THEMIS: variants seen among roughly 807,000 people sequenced by gnomAD.
THEMIS encodes the protein thymocyte selection associated, also known as protein THEMIS.
A neutral mutation model predicts 52.6 loss-of-function variants in THEMIS; 37 were observed. That is an observed-to-expected ratio of 0.70 (90% CI 0.54 to 0.93). THEMIS has a LOEUF of 0.93. THEMIS is among the 40% of genes least tolerant of loss of function. The pLI is 0.00. For synonymous variants in THEMIS, 292 were observed against 272.7 expected (o/e 1.07, Z -0.70); for missense variants, 808 against 763.1 (o/e 1.06, Z -0.69).
chr6:127,774,731 C>T (rs1235396683), intron 4 of THEMIS, among the ~76,000 whole-genome samples: 3 of 152,160 alleles, frequency 2.0e-5, no homozygotes, highest in Admixed American at 6.6e-5. Flanking sequence ...ATAACACTTA[C>T]CAATCTGCCT....
chr6:127,858,851 A>C (rs1779703926), intron 1 of THEMIS, among the ~76,000 whole-genome samples: 1 of 152,152 alleles, frequency 6.6e-6, no homozygotes, highest in African/African-American at 2.4e-5. Context: ...AGCTGGAACA[A>C]AGCAGCCTGT....
chr6:127,711,688 A>T (rs1431426549), intron 5 of THEMIS, among the ~76,000 whole-genome samples: 2 of 152,068 alleles, frequency 1.3e-5, no homozygotes, highest in Admixed American at 6.6e-5. Flanking sequence ...CAAGATTTTT[A>T]GGCAGTATGC....
At chr6:127,916,836 C>A (rs978979748) in intron 1 of THEMIS, among the ~76,000 whole-genome samples, 1 of 152,188 alleles carries the variant, frequency 6.6e-6, no homozygotes, top group Non-Finnish European at 1.5e-5. Flanking sequence ...TTTCCGATTG[C>A]TTTGAGTCAG....
chr6:127,894,210 G>A (rs757051903), intron 1 of THEMIS, among the ~76,000 whole-genome samples: 2 of 151,976 alleles, frequency 1.3e-5, no homozygotes, highest in Non-Finnish European at 2.9e-5. Context: ...ATAAAGAGAG[G>A]TGTTATAACA....
intron 1 of THEMIS, among the ~76,000 whole-genome samples, chr6:127,857,041 C>A (rs1402556044): frequency 6.6e-6 from 1 of 150,486 alleles, no homozygotes; most frequent in Admixed American, 6.7e-5. Flanking sequence ...AACACATCAA[C>A]TTCCCCTGTT....
intron 4 of THEMIS, among the ~76,000 whole-genome samples, chr6:127,767,888 C>T (rs1474844197): frequency 6.6e-6 from 1 of 152,166 alleles, no homozygotes; most frequent in Non-Finnish European, 1.5e-5. Context: ...TACGACCTCA[C>T]TAGGTGAAAC....
At chr6:127,863,921 T>G (rs1052878183) in intron 1 of THEMIS, among the ~76,000 whole-genome samples, 1 of 152,134 alleles carries the variant, frequency 6.6e-6, no homozygotes, top group Non-Finnish European at 1.5e-5. Flanking sequence ...GAGCAGCAAA[T>G]GTAGGGAAAT....
At chr6:127,711,159 T>C (rs1272562307) in intron 5 of THEMIS, among the ~76,000 whole-genome samples, 1 of 151,898 alleles carries the variant, frequency 6.6e-6, no homozygotes, top group Non-Finnish European at 1.5e-5. Flanking sequence ...TTTAGGTTAC[T>C]AACCTTTATA....
intron 4 of THEMIS, among the ~76,000 whole-genome samples, chr6:127,787,967 C>T (rs1319189916): frequency 1.3e-5 from 2 of 151,774 alleles, no homozygotes; most frequent in African/African-American, 4.8e-5. Context: ...GATTAGAAAA[C>T]AGATAGTTGA....
At chr6:127,838,476 G>A (rs143848951) in intron 2 of THEMIS, among the ~76,000 whole-genome samples, 2 of 151,952 alleles carry the variant, frequency 1.3e-5, no homozygotes, top group East Asian at 3.9e-4. Flanking sequence ...TTTAAAAATT[G>A]AGTTATCTTC....
intron 2 of THEMIS, among the ~76,000 whole-genome samples, chr6:127,850,110 A>G (rs1779369177): frequency 1.3e-5 from 2 of 152,056 alleles, no homozygotes; most frequent in Middle Eastern, 6.8e-3. Flanking sequence ...AAGACTATAC[A>G]CATATGAACA....
At chr6:127,848,893 G>A (rs1400983454) in intron 2 of THEMIS, among the ~76,000 whole-genome samples, 3 of 152,000 alleles carry the variant, frequency 2.0e-5, no homozygotes, top group Non-Finnish European at 2.9e-5. Flanking sequence ...CACTCTGATG[G>A]TAGTTTCTTT....
At chr6:127,776,187 A>G (rs544543569) in intron 4 of THEMIS, among the ~76,000 whole-genome samples, 4 of 152,230 alleles carry the variant, frequency 2.6e-5, no homozygotes, top group Admixed American at 6.5e-5. Flanking sequence ...ACTGTTTTTT[A>G]TGCTCCAGGA....
intron 4 of THEMIS, among the ~76,000 whole-genome samples, chr6:127,799,238 A>C (rs1777440205): frequency 6.6e-6 from 1 of 152,214 alleles, no homozygotes; most frequent in East Asian, 1.9e-4. Context: ...TCAAATTGTC[A>C]GTAATGTGGA....
At chr6:127,705,720 C>A (rs1052296093), downstream of THEMIS, among the ~76,000 whole-genome samples, 2 of 152,120 alleles carry the variant, frequency 1.3e-5, no homozygotes, top group Non-Finnish European at 2.9e-5. Flanking sequence ...CATCTCAGAC[C>A]AGGTGACACA....
chr6:127,763,581 G>A (rs908925998), intron 4 of THEMIS, among the ~76,000 whole-genome samples: 6 of 151,844 alleles, frequency 4.0e-5, no homozygotes, highest in Non-Finnish European at 5.9e-5. Flanking sequence ...CATGAAAAAA[G>A]TTACCTTATC....
intron 2 of THEMIS, among the ~76,000 whole-genome samples, chr6:127,837,107 TGTCTGGCAGCC>T (rs1266984918): frequency 2.0e-5 from 3 of 152,162 alleles, no homozygotes; most frequent in Non-Finnish European, 4.4e-5. Context: ...AAATGCTGGC[TGTCTGGCAGCC>T]CTGGATATGG....
intron 1 of THEMIS, among the ~76,000 whole-genome samples, chr6:127,874,493 C>T (rs900195756): frequency 6.6e-6 from 1 of 152,000 alleles, no homozygotes; most frequent in Non-Finnish European, 1.5e-5. Flanking sequence ...TCATGACATA[C>T]CTAATTTTCT....
intron 4 of THEMIS, among the ~76,000 whole-genome samples, chr6:127,735,536 T>C (rs1017222362): frequency 1.1e-4 from 17 of 152,300 alleles, no homozygotes; most frequent in African/African-American, 3.8e-4. Flanking sequence ...TTTTTAGCTT[T>C]TAAATAGAGG....
Sources: gnomAD v4.1 joint callset for allele counts (sites outside exome capture counted in the v4.1 genomes callset) on GRCh38, gnomAD v4.1.1 for gene constraint, MANE v1.5 for transcripts, NCBI Gene and HGNC (gene_info 2026-07-23, HGNC 2026-07-21) for gene names.